Variants in SYNPO2 observed in about 807,000 individuals in gnomAD.
SYNPO2 encodes the protein synaptopodin-2.
SYNPO2 carries 56 observed loss-of-function variants against 85.0 expected under a neutral mutation model. The ratio of observed to expected loss-of-function variants is 0.66; its 90% confidence interval spans 0.53 to 0.82. The LOEUF is 0.82. Ranked by LOEUF, SYNPO2 falls within the 40% of genes least tolerant of loss-of-function variation. The probability of loss-of-function intolerance (pLI) is 0.00; values close to 1 mark genes in which losing one functional copy is unlikely to be tolerated. For missense variants in SYNPO2, 1,575 were observed against 1,534.2 expected, an observed-to-expected ratio of 1.03 and a Z score of -0.44; for synonymous variants, 602 against 591.1, an observed-to-expected ratio of 1.02 and a Z score of -0.27.
At chr4:118,884,590 A>AAATAGAATGGG (rs1468615763), upstream of SYNPO2, among the ~76,000 whole-genome samples, 1 of 152,204 alleles carries the variant, frequency 6.6e-6, no homozygotes, top group East Asian at 1.9e-4. Context: ...AACCAATGGG[A>AAATAGAATGGG]AATAGAATGT....
intron 1 of SYNPO2, among the ~76,000 whole-genome samples, chr4:118,939,807 C>T (rs1734238344): frequency 2.6e-5 from 4 of 152,070 alleles, no homozygotes; most frequent in Admixed American, 2.0e-4. Flanking sequence ...GCCTGACTTC[C>T]CTAATAGAGT....
In SYNPO2 at chr4:118,905,115, T is replaced by C. The variant is rs1732889494; in HGVS notation, c.105+15974T>C. On this transcript the variant is annotated intron_variant, in intron 1 of 4. Transcript: ENST00000307142. ...ATGCTACAATGACCAGATAGCTCCA[T>C]GTTGACTAGGTTACTGTGGGTCCCT... Among the ~76,000 whole-genome samples the C allele has an allele frequency of 2.6e-5, 4 of 152,188 alleles. No homozygotes were observed. In the South Asian group the frequency reaches 6.2e-4, roughly 24 times the overall value.
At chr4:118,951,342 G>C (rs574294362) in intron 1 of SYNPO2, among the ~76,000 whole-genome samples, 10 of 152,276 alleles carry the variant, frequency 6.6e-5, no homozygotes, top group African/African-American at 1.9e-4. Context: ...TGGAAAGGGA[G>C]AACTGGTCCC....
At chr4:118,904,495 A>G (rs1020837348) in intron 1 of SYNPO2, among the ~76,000 whole-genome samples, 1 of 152,210 alleles carries the variant, frequency 6.6e-6, no homozygotes, top group Non-Finnish European at 1.5e-5. Flanking sequence ...AGAAGAAATC[A>G]TTTCAAGCAC....
chr4:119,051,186 A>ATTTTTTTTTTTTTTTTTTTTTTTTTTTT (rs369864760), intron 4 of SYNPO2, among the ~76,000 whole-genome samples: 1 of 100,720 alleles, frequency 9.9e-6, no homozygotes, highest in Admixed American at 1.3e-4. Context: ...ATGGGAAGCA[A>ATTTTTTTTTTTTTTTTTTTTTTTTTTTT]TTTTTTTTTT....
chr4:118,951,341 A>G (rs1335503313), intron 1 of SYNPO2, among the ~76,000 whole-genome samples: 1 of 152,150 alleles, frequency 6.6e-6, no homozygotes, highest in Non-Finnish European at 1.5e-5. Context: ...ATGGAAAGGG[A>G]GAACTGGTCC....
intron 1 of SYNPO2, among the ~76,000 whole-genome samples, chr4:118,877,322 A>C (rs1206207654): frequency 6.6e-6 from 1 of 152,186 alleles, no homozygotes; most frequent in Non-Finnish European, 1.5e-5. Context: ...TGAGGAAGAC[A>C]CCAAAAGCAA....
chr4:119,055,964 C>T (rs1001083694), intron 4 of SYNPO2, among the ~76,000 whole-genome samples: 11 of 151,820 alleles, frequency 7.2e-5, no homozygotes, highest in African/African-American at 2.7e-4. Flanking sequence ...TTGATATTCA[C>T]TTTAAAGTTA....
chr4:119,032,756 A>G (rs2149192486), intron 4 of SYNPO2: 1 of 889,878 alleles, frequency 1.1e-6, no homozygotes, highest in Non-Finnish European at 1.3e-6. Context: ...ATGGTGGTTC[A>G]TGCCTGGAAT....
intron 1 of SYNPO2, among the ~76,000 whole-genome samples, chr4:118,914,172 T>A (rs564216059): frequency 6.6e-6 from 1 of 152,260 alleles, no homozygotes; most frequent in African/African-American, 2.4e-5. Context: ...AGAGATTGTA[T>A]TAGAGGACGA....
In SYNPO2 at chr4:118,932,530, A is replaced by G. The variant is rs538368950; in HGVS notation, c.105+43389A>G. On this transcript the variant is annotated intron_variant, in intron 1 of 4. Transcript: ENST00000307142. ...GACTGGTTCTGATTTACATTGGCCA[A>G]CAAATACCTAGATTTAATATTTTGT... 1.4e-4 allele frequency among the ~76,000 whole-genome samples: 21 copies of G among 152,316 alleles called. No individual in the cohort carries two copies. In the South Asian group the frequency reaches 4.1e-3, roughly 30 times the overall value.
At position 119,027,221 on chromosome 4, in the gene SYNPO2, G is replaced by A; in HGVS notation, c.852G>A (p.Val284=). 3 of 1,614,178 alleles carry A rather than the reference G, an allele frequency of 1.9e-6. No homozygotes were observed. The highest frequency in any genetic ancestry group is 2.5e-6 in the Non-Finnish European group (3 of 1,180,038). Residue 284 remains valine (V), a synonymous_variant, in exon 3 of 5, where the codon GTG becomes GTA. Transcript: ENST00000307142. ...SEAGDAGLPR[V]EVILDCSDRQ... The stretch of plus-strand genomic sequence containing the variant: ...CAGGAGATGCGGGACTGCCCCGGGT[G>A]GAAGTGATCCTCGACTGCTCTGACA...
intron 4 of SYNPO2, among the ~76,000 whole-genome samples, chr4:119,041,208 G>C (rs1309258500): frequency 6.6e-6 from 1 of 152,170 alleles, no homozygotes; most frequent in Non-Finnish European, 1.5e-5. Context: ...ATCCAGAATA[G>C]CTTTTGTTTC....
chr4:119,041,373 C>A (rs1738711238), intron 4 of SYNPO2, among the ~76,000 whole-genome samples: 1 of 152,154 alleles, frequency 6.6e-6, no homozygotes, highest in Admixed American at 6.5e-5. Flanking sequence ...TTCACAAAAC[C>A]ATTTTCTAGA....
chr4:118,948,447 C>A (rs2149141228), intron 1 of SYNPO2, among the ~76,000 whole-genome samples: 1 of 152,184 alleles, frequency 6.6e-6, no homozygotes, highest in East Asian at 1.9e-4. Flanking sequence ...AATTCCAAAC[C>A]CAGCATTTCA....
intron 1 of SYNPO2, among the ~76,000 whole-genome samples, chr4:118,894,757 C>T (rs911924210): frequency 6.6e-6 from 1 of 151,748 alleles, no homozygotes; most frequent in African/African-American, 2.4e-5. Flanking sequence ...ATTCAAGAAA[C>T]ACTTCTCTAG....
intron 1 of SYNPO2, among the ~76,000 whole-genome samples, chr4:118,880,733 C>T (rs1361840641): frequency 1.1e-4 from 14 of 131,836 alleles, no homozygotes; most frequent in African/African-American, 3.1e-4. Context: ...GGCGACAGAG[C>T]GAGACTCTGT....
At chr4:118,998,312 C>T (rs552118021) in intron 1 of SYNPO2, among the ~76,000 whole-genome samples, 1 of 152,270 alleles carries the variant, frequency 6.6e-6, no homozygotes, top group Non-Finnish European at 1.5e-5. Context: ...AGCAGTGAAA[C>T]ACACTTTAAG....
chr4:118,882,994 C>T (rs1434690760), intron 1 of SYNPO2, among the ~76,000 whole-genome samples: 1 of 151,684 alleles, frequency 6.6e-6, no homozygotes, highest in Admixed American at 6.6e-5. Flanking sequence ...ATCTCCTGAC[C>T]TCGTGATCCG....
Sources: gnomAD v4.1 joint callset for allele counts (sites outside exome capture counted in the v4.1 genomes callset) on GRCh38, gnomAD v4.1.1 for gene constraint, MANE v1.5 for transcripts, NCBI Gene and HGNC (gene_info 2026-07-23, HGNC 2026-07-21) for gene names.